ZNF81: variants seen among roughly 807,000 people sequenced by gnomAD.
The protein encoded by ZNF81 is zinc finger protein 81.
Under a neutral mutation model 32.3 loss-of-function variants are expected in ZNF81, and 5 were observed. The observed-to-expected ratio is 0.15, with a 90% CI of 0.08 to 0.33. The LOEUF is 0.33. ZNF81 is among the 10% of genes least tolerant of loss of function. The pLI is 1.00. For synonymous variants in ZNF81, 163 were observed against 166.8 expected (o/e 0.98, Z 0.17); for missense variants, 379 against 479.8 (o/e 0.79, Z 1.96).
intron 1 of ZNF81, among the ~76,000 whole-genome samples, chrX:47,843,158 T>C (rs2058456780): frequency 9.0e-6 from 1 of 111,660 alleles, no homozygotes; most frequent in African/African-American, 3.3e-5. Context: ...AATAGGTATC[T>C]GTACTTCTTT....
At chrX:47,875,688 T>C (rs2058597164) in intron 2 of ZNF81, among the ~76,000 whole-genome samples, 1 of 112,319 alleles carries the variant, frequency 8.9e-6, no homozygotes, top group African/African-American at 3.2e-5. Context: ...AGCAGATTGC[T>C]AGGGGAAAAT....
intron 1 of ZNF81, among the ~76,000 whole-genome samples, chrX:47,839,403 T>C (rs2058437737): frequency 8.9e-6 from 1 of 111,786 alleles, no homozygotes; most frequent in South Asian, 3.7e-4. Flanking sequence ...CAAAACTTTC[T>C]GAGTGCCAAC....
chrX:47,907,874 T>C (rs2058726168), intron 4 of ZNF81, among the ~76,000 whole-genome samples: 1 of 112,039 alleles, frequency 8.9e-6, no homozygotes, highest in Non-Finnish European at 1.9e-5. Flanking sequence ...GTAGTATTTC[T>C]ATCTATTAAA....
At chrX:47,865,052 C>T (rs1426666042) in intron 2 of ZNF81, among the ~76,000 whole-genome samples, 1 of 112,163 alleles carries the variant, frequency 8.9e-6, no homozygotes, top group Non-Finnish European at 1.9e-5. Flanking sequence ...TCAGCTTAGC[C>T]AGACCATTAG....
chrX:47,841,360 A>G (rs2058448377), intron 1 of ZNF81: 1 of 678,435 alleles, frequency 1.5e-6, no homozygotes, highest in African/African-American at 2.1e-5. Flanking sequence ...ACCACTAAAA[A>G]TTTTCTTTAG....
chrX:47,895,067 A>C (rs2058674961), intron 3 of ZNF81, among the ~76,000 whole-genome samples: 1 of 111,351 alleles, frequency 9.0e-6, no homozygotes, highest in Non-Finnish European at 1.9e-5. Flanking sequence ...GGATGGGGTG[A>C]ATGTATTGTG....
In ZNF81 at chrX:47,924,670, C is replaced by G. The variant is rs180803454; in HGVS notation, c.*8038C>G. Reference sequence around the variant, plus strand: ...TTCAGAGACAATTCTCCTTGAATCTCATGTTCTTCATGTTTAGACATTAAC... The same window carrying G: ...TTCAGAGACAATTCTCCTTGAATCTGATGTTCTTCATGTTTAGACATTAAC... On this transcript the variant is annotated 3_prime_UTR_variant, in exon 5 of 5. Coordinates refer to ENST00000338637, the MANE Select transcript of ZNF81 (RefSeq NM_007137.5). Among the ~76,000 whole-genome samples the G allele has an allele frequency of 1.8e-5, 2 of 111,707 alleles. No individual in the cohort carries two copies. The highest frequency in any genetic ancestry group is 5.6e-4 in the East Asian group (2 of 3,569).
intron 1 of ZNF81, chrX:47,840,957 C>T: frequency 3.6e-6 from 2 of 562,426 alleles, no homozygotes; most frequent in South Asian, 5.1e-5. Flanking sequence ...AGTTTGGCAC[C>T]TGGGTCTAGT....
chrX:47,910,662 T>C (rs1377725428), intron 4 of ZNF81, among the ~76,000 whole-genome samples: 2 of 112,185 alleles, frequency 1.8e-5, no homozygotes, highest in Non-Finnish European at 3.8e-5. Context: ...TTTATTTGTA[T>C]TCTGATGACT....
chrX:47,868,775 A>G (rs782409042), intron 2 of ZNF81, among the ~76,000 whole-genome samples: 63 of 110,560 alleles, frequency 5.7e-4, no homozygotes, highest in Non-Finnish European at 9.5e-4. Flanking sequence ...GTCCCCGAAC[A>G]GGCCTGTTAA....
chrX:47,853,127 T>C lies in ZNF81; in HGVS notation c.54+6806T>C, dbSNP rs192290732. Among the ~76,000 whole-genome samples, 11 of 111,605 alleles carry C rather than the reference T, an allele frequency of 9.9e-5. No individual in the cohort carries two copies. In the East Asian group the frequency reaches 2.5e-3, roughly 26 times the overall value. ...TCAACAGTGGTCTTAAAATATTCAGTAAACTATGCTGTAAACAGATGTGCT... is the reference window on the plus strand; with the variant it reads ...TCAACAGTGGTCTTAAAATATTCAGCAAACTATGCTGTAAACAGATGTGCT... On this transcript the variant is annotated intron_variant, in intron 2 of 4. Transcript: ENST00000338637.
Position 47,919,927 on chromosome X carries a change from C to G in ZNF81, c.*3295C>G, listed in dbSNP as rs1464151921. The G allele has an allele frequency of 8.9e-6, 1 of 112,142 alleles. No individual in the cohort carries two copies. The highest frequency in any genetic ancestry group is 3.2e-5 in the African/African-American group (1 of 30,836). The allele number at this position is 112,142 out of a possible 1,213,427, so 9.2% of individuals were successfully genotyped here. On this transcript the variant is annotated 3_prime_UTR_variant, in exon 5 of 5. Coordinates refer to ENST00000338637, the MANE Select transcript of ZNF81 (RefSeq NM_007137.5). ...ACTACTAGGTCAACTGAGTCTAGGTCTGTTGTTGTCTTCTCTTGCTCTTTT... is the reference window on the plus strand; with the variant it reads ...ACTACTAGGTCAACTGAGTCTAGGTGTGTTGTTGTCTTCTCTTGCTCTTTT...
intron 2 of ZNF81, among the ~76,000 whole-genome samples, chrX:47,887,523 TAC>T (rs1447919587): frequency 8.9e-6 from 1 of 111,815 alleles, no homozygotes; most frequent in Non-Finnish European, 1.9e-5. Context: ...GTTGAAATCA[TAC>T]AGAGTATACT....
At chrX:47,901,325 A>G (rs1556887948) in intron 4 of ZNF81, among the ~76,000 whole-genome samples, 1 of 111,732 alleles carries the variant, frequency 8.9e-6, no homozygotes, top group Non-Finnish European at 1.9e-5. Context: ...TTCTGCAAAC[A>G]TTATCATGCC....
At chrX:47,906,499 A>G (rs1394507554) in intron 4 of ZNF81, among the ~76,000 whole-genome samples, 60 of 108,631 alleles carry the variant, frequency 5.5e-4, no homozygotes, top group Non-Finnish European at 9.4e-4. Flanking sequence ...CAAAGGGTCA[A>G]TGTCATCAAC....
chrX:47,916,662 CTT>C lies in ZNF81; in HGVS notation c.*31_*32del. On this transcript the variant is annotated 3_prime_UTR_variant, in exon 5 of 5. Coordinates refer to ENST00000338637, the MANE Select transcript of ZNF81 (RefSeq NM_007137.5). ...AATCCTGTTTCTTGAAAATGAGAGC[CTT>C]ATAAGGCTGACAAAAGTCAGGTCTA... 1 of 1,176,996 alleles carries C rather than the reference CTT, an allele frequency of 8.5e-7. No homozygotes were observed. Among genetic ancestry groups the C allele is most frequent in the Non-Finnish European group, 1.1e-6 (1 of 879,818 alleles).
At chrX:47,863,180 A>G (rs2058548081) in intron 2 of ZNF81, among the ~76,000 whole-genome samples, 1 of 111,023 alleles carries the variant, frequency 9.0e-6, no homozygotes, top group Non-Finnish European at 1.9e-5. Flanking sequence ...AACTGTTGCT[A>G]TTTTCAGAGT....
chrX:47,843,723 C>T (rs782178871), intron 1 of ZNF81, among the ~76,000 whole-genome samples: 2 of 111,697 alleles, frequency 1.8e-5, no homozygotes, highest in Non-Finnish European at 3.8e-5. Context: ...TAAGGTTTCA[C>T]CATGTTGCCC....
intron 2 of ZNF81, among the ~76,000 whole-genome samples, chrX:47,871,696 C>T (rs1569380574): frequency 9.0e-6 from 1 of 111,660 alleles, no homozygotes; most frequent in Non-Finnish European, 1.9e-5. Flanking sequence ...TAAGATAGTG[C>T]ACCGATAAAT....
Sources: gnomAD v4.1 joint callset for allele counts (sites outside exome capture counted in the v4.1 genomes callset) on GRCh38, gnomAD v4.1.1 for gene constraint, MANE v1.5 for transcripts, NCBI Gene and HGNC (gene_info 2026-07-23, HGNC 2026-07-21) for gene names.